CNEP1R1: variants seen among roughly 807,000 people sequenced by gnomAD.
CNEP1R1 encodes nuclear envelope phosphatase-regulatory subunit 1.
Under a neutral mutation model 22.7 loss-of-function variants are expected in CNEP1R1, and 10 were observed. The ratio of observed to expected loss-of-function variants is 0.44; its 90% CI spans 0.27 to 0.75. The LOEUF (loss-of-function observed/expected upper bound fraction) is 0.75. Among genes scored for constraint, CNEP1R1 ranks in the 30% least tolerant of loss-of-function variants. The pLI, the probability that CNEP1R1 is intolerant of heterozygous loss-of-function variation, is 0.17. For synonymous variants in CNEP1R1, 53 were observed against 50.1 expected, an observed-to-expected ratio of 1.06 and a Z score of -0.25; for missense variants, 73 against 151.5, an observed-to-expected ratio of 0.48 and a Z score of 2.72.
chr16:50,028,730 G>A (rs1329095465), intron 2 of CNEP1R1, among the ~76,000 whole-genome samples: 2 of 151,966 alleles, frequency 1.3e-5, no homozygotes, highest in Non-Finnish European at 2.9e-5. Context: ...TATTGATTTT[G>A]CTTTTTCTTA....
chr16:50,028,871 A>ATTTT (rs1222282479), intron 2 of CNEP1R1, among the ~76,000 whole-genome samples: 1 of 151,972 alleles, frequency 6.6e-6, no homozygotes, highest in African/African-American at 2.4e-5. Flanking sequence ...CTAAAACAAG[A>ATTTT]TTTTTTTTCT....
chr16:50,035,841 G>T lies in CNEP1R1; in HGVS notation c.*383G>T. The T allele has an allele frequency of 1.2e-5, 2 of 170,046 alleles. No individual in the cohort carries two copies. Among genetic ancestry groups the T allele is most frequent in the Non-Finnish European group, 2.5e-5 (2 of 79,462 alleles). The allele number at this position is 170,046 out of a possible 1,614,324, so 10.5% of individuals were successfully genotyped here. ...TTAAACAAAGAGGAAAACGTTGTGT[G>T]GACTTTGTTCTCTTGCACCAGTATT... On this transcript the variant is annotated 3_prime_UTR_variant, in exon 6 of 6. Transcript: ENST00000427478.
At chr16:50,025,405 CCGGCGTCGTGAAG>C in intron 1 of CNEP1R1, 65 bp downstream of exon 1, 1 of 1,389,566 alleles carries the variant, frequency 7.2e-7, no homozygotes, top group Non-Finnish European at 9.5e-7. Context: ...TCCGGAGGAG[CCGGCGTCGTGAAG>C]ACCCCCGCCC....
chr16:50,034,338 T>G, intron 5 of CNEP1R1, 182 bp downstream of exon 5: 2 of 563,046 alleles, frequency 3.6e-6, no homozygotes, highest in Non-Finnish European at 6.4e-6. Context: ...GAGATCCATC[T>G]TACAGTCAAT....
Position 50,025,335 on chromosome 16 carries a change from C to A in CNEP1R1, c.20C>A (p.Ala7Glu). 1 of 1,437,104 alleles carries A rather than the reference C, an allele frequency of 7.0e-7. No individual in the cohort carries two copies. The highest frequency in any genetic ancestry group is 1.5e-5 in the South Asian group (1 of 68,708). 89.0% of individuals were successfully genotyped at this position (1,437,104 alleles called of 1,614,324 possible). A position where few individuals can be genotyped will look rare whatever the true frequency, so the allele number is the denominator to read the frequency against. Residue 7 changes from alanine (A) to glutamate (E), a missense_variant, in exon 1 of 6, where the codon GCG (alanine) becomes GAG (glutamate). Coordinates refer to ENST00000427478, the MANE Select transcript of CNEP1R1 (RefSeq NM_001281789.2). MNSLEQ[A>E]EDLKAFERRL... ...CCCGACATGAACTCGCTGGAGCAGG[C>A]GGAAGGTAGGGTGGGCCGCCCGGGC... is the stretch of plus-strand genomic sequence containing the variant.
intron 5 of CNEP1R1, 137 bp from the exon 6 acceptor site, chr16:50,035,280 A>G (rs2036265803): frequency 1.3e-5 from 7 of 554,510 alleles, no homozygotes; most frequent in South Asian, 1.0e-4. Flanking sequence ...CTCTGAAAGC[A>G]TAACTATTAA....
chr16:50,030,413 G>A (rs2036221544), intron 3 of CNEP1R1, among the ~76,000 whole-genome samples: 1 of 152,100 alleles, frequency 6.6e-6, no homozygotes, highest in African/African-American at 2.4e-5. Context: ...CAGCCTGTGT[G>A]ACAGAGCTAG....
intron 2 of CNEP1R1, among the ~76,000 whole-genome samples, chr16:50,028,570 C>T (rs1178305363): frequency 6.6e-6 from 1 of 152,132 alleles, no homozygotes; most frequent in African/African-American, 2.4e-5. Context: ...TTCACTGTTA[C>T]TTGAAAATCT....
chr16:50,037,022 T>G lies in CNEP1R1; in HGVS notation c.*1564T>G, dbSNP rs765271713. The G allele has an allele frequency of 5.9e-5, 9 of 152,678 alleles. No homozygotes were observed. The highest frequency in any genetic ancestry group is 1.2e-4 in the Non-Finnish European group (8 of 68,040). The allele number at this position is 152,678 out of a possible 1,614,324, so 9.5% of individuals were successfully genotyped here. A position where few individuals can be genotyped will look rare whatever the true frequency, so the allele number is the denominator to read the frequency against. ...GGTATTCTATATATTCTGCTTTGTT[T>G]TATTTTCTGTAAATTTTGTAGGTAA... On this transcript the variant is annotated 3_prime_UTR_variant, in exon 6 of 6. Coordinates refer to ENST00000427478, the MANE Select transcript of CNEP1R1 (RefSeq NM_001281789.2).
chr16:50,035,397 C>T lies in CNEP1R1; in HGVS notation c.337-20C>T. ...ACTAGAACTGTGTATTGAAAAAATT[C>T]TGTCTTTTCATTTTTGCAGACAGGA... On this transcript the variant is annotated intron_variant, in intron 5 of 5. Transcript: ENST00000427478. The T allele has an allele frequency of 1.4e-6, 2 of 1,464,582 alleles. No homozygotes were observed. The highest frequency in any genetic ancestry group is 1.9e-6 in the Non-Finnish European group (2 of 1,060,772). The allele number at this position is 1,464,582 out of a possible 1,614,324, so 90.7% of individuals were successfully genotyped here.
In CNEP1R1 at chr16:50,029,741, A is replaced by G; in HGVS notation, c.114A>G (p.Val38=). ...TTTCATCAGTGCTTCTTATAGTGGT[A>G]TCTGTCTGTACAGCTACTGGTGCCT... ...TGRWRMLLIV[V]SVCTATGAWN... is the part of the protein sequence containing the mutation. Residue 38 remains valine (V), a synonymous_variant, in exon 3 of 6, where the codon GTA becomes GTG. Transcript: ENST00000427478. The G allele has an allele frequency of 6.2e-7, 1 of 1,608,052 alleles. No homozygotes were observed. Among genetic ancestry groups the G allele is most frequent in the East Asian group, 2.2e-5 (1 of 44,730 alleles).
At position 50,035,743 on chromosome 16, in the gene CNEP1R1, TAGAAAC is replaced by T. The variant is rs1422564912; in HGVS notation, c.*290_*295del. ...TGTATGTATGTTACTAAGTTAAACT[TAGAAAC>T]AGAACCTCATTCAGTTTTTATAATG... On this transcript the variant is annotated 3_prime_UTR_variant, in exon 6 of 6. Transcript: ENST00000427478. 11 of 307,750 alleles carry T rather than the reference TAGAAAC, an allele frequency of 3.6e-5. No homozygotes were observed. The highest frequency in any genetic ancestry group is 1.0e-4 in the South Asian group (1 of 9,672). The allele number at this position is 307,750 out of a possible 1,614,324, so 19.1% of individuals were successfully genotyped here. A position where few individuals can be genotyped will look rare whatever the true frequency, so the allele number is the denominator to read the frequency against.
Position 50,035,537 on chromosome 16 carries a change from C to A in CNEP1R1, c.*79C>A, listed in dbSNP as rs185459967. ...TACAGCAAAAAGCCATAAAGGATTC[C>A]TTTTGCGGTTGGATATGTAAAGGTC... is the stretch of plus-strand genomic sequence containing the variant. On this transcript the variant is annotated 3_prime_UTR_variant, in exon 6 of 6. Transcript: ENST00000427478. 4 of 1,095,084 alleles carry A rather than the reference C, an allele frequency of 3.7e-6. 1 individual carries two copies. Among genetic ancestry groups the A allele is most frequent in the East Asian group, 2.6e-5 (1 of 38,942 alleles). 67.8% of individuals were successfully genotyped at this position (1,095,084 alleles called of 1,614,324 possible).
At chr16:50,028,700 G>A (rs7201173) in intron 2 of CNEP1R1, among the ~76,000 whole-genome samples, 17,006 of 152,156 alleles carry the variant, frequency 0.11, 1,289 homozygotes, top group Middle Eastern at 0.19. Flanking sequence ...TAAAGCATGT[G>A]TATGAGGTCC....
chr16:50,025,287 A>C lies in CNEP1R1; in HGVS notation c.-29A>C, dbSNP rs965740497. ...GCGGAAGCTGCGATGCGGACAGGGC[A>C]GCGGCGGTGACCCGAGCTGCCGCCC... On this transcript the variant is annotated 5_prime_UTR_variant, in exon 1 of 6. Coordinates refer to ENST00000427478, the MANE Select transcript of CNEP1R1 (RefSeq NM_001281789.2). 15 of 1,426,632 alleles carry C rather than the reference A, an allele frequency of 1.1e-5. No homozygotes were observed. Among genetic ancestry groups the C allele is most frequent in the Admixed American group, 3.2e-5 (1 of 31,650 alleles). 88.4% of individuals were successfully genotyped at this position (1,426,632 alleles called of 1,614,324 possible). A position where few individuals can be genotyped will look rare whatever the true frequency, so the allele number is the denominator to read the frequency against.
In CNEP1R1 at chr16:50,036,918, A is replaced by G. The variant is rs144873058; in HGVS notation, c.*1460A>G. ...GCTGCCATTTAACTTAAATGTGTTC[A>G]TCTTAGCTTTCACTTGTATAAAATT... On this transcript the variant is annotated 3_prime_UTR_variant, in exon 6 of 6. Transcript: ENST00000427478. 1.9e-3 allele frequency: 293 copies of G among 152,742 alleles called. 2 individuals are homozygous for G. The South Asian group carries it at 0.023, about 12-fold the overall frequency. 9.5% of individuals were successfully genotyped at this position (152,742 alleles called of 1,614,324 possible).
At chr16:50,026,529 G>C (rs1299987766) in intron 2 of CNEP1R1, 62 bp downstream of exon 2, 1 of 1,199,458 alleles carries the variant, frequency 8.3e-7, no homozygotes, top group South Asian at 1.3e-5. Context: ...CCTAATATAG[G>C]AATGATTTGC....
chr16:50,032,795 A>G (rs929525680), intron 3 of CNEP1R1, among the ~76,000 whole-genome samples: 2 of 152,150 alleles, frequency 1.3e-5, no homozygotes, highest in African/African-American at 4.8e-5. Flanking sequence ...ACCTGAGGTC[A>G]AGAGTTCAAG....
In CNEP1R1 at chr16:50,026,727, C is replaced by A. The variant is rs2036187339; in HGVS notation, c.97+260C>A. 2.9e-5 allele frequency: 11 copies of A among 382,444 alleles called. No individual in the cohort carries two copies. The South Asian group carries it at 3.0e-4, about 10-fold the overall frequency. 23.7% of individuals were successfully genotyped at this position (382,444 alleles called of 1,614,324 possible). ...CCGTAGCTCACGCCTGTAATCCCAG[C>A]ACTTTAGGAAGCCCAGGCAGGCGGA... On this transcript the variant is annotated intron_variant, in intron 2 of 5. Coordinates refer to ENST00000427478, the MANE Select transcript of CNEP1R1 (RefSeq NM_001281789.2).
Sources: allele counts gnomAD v4.1 joint callset (sites outside exome capture counted in the v4.1 genomes callset), GRCh38; gene constraint gnomAD v4.1.1; transcripts MANE v1.5; gene names NCBI Gene and HGNC (gene_info 2026-07-23, HGNC 2026-07-21).